Variants in KLHL13 observed in about 807,000 individuals in gnomAD.
KLHL13 encodes the protein kelch like family member 13.
In KLHL13, 10 loss-of-function variants were observed where a neutral mutation model predicts 37.1. The observed-to-expected ratio is 0.27, with a 90% CI of 0.17 to 0.46. The LOEUF is 0.46. KLHL13 is among the 20% of genes least tolerant of loss of function. The probability of loss-of-function intolerance (pLI) is 1.00; values close to 1 mark genes in which losing one functional copy is unlikely to be tolerated. For synonymous variants in KLHL13, 163 were observed against 181.2 expected, an observed-to-expected ratio of 0.90 and a Z score of 0.81; for missense variants, 360 against 509.3, an observed-to-expected ratio of 0.71 and a Z score of 2.82.
At chrX:117,990,593 A>T (rs1485843580) in intron 1 of KLHL13, among the ~76,000 whole-genome samples, 1 of 111,571 alleles carries the variant, frequency 9.0e-6, no homozygotes, top group Non-Finnish European at 1.9e-5. Context: ...ACAAAATCCA[A>T]TTTTAACAAT....
At chrX:118,051,831 C>T (rs766569643) in intron 1 of KLHL13, among the ~76,000 whole-genome samples, 8 of 111,139 alleles carry the variant, frequency 7.2e-5, no homozygotes, top group Non-Finnish European at 9.4e-5. Context: ...GAGAACTGAA[C>T]ACATAAAAAT....
At chrX:118,000,673 C>T (rs938811195) in intron 1 of KLHL13, among the ~76,000 whole-genome samples, 9 of 112,165 alleles carry the variant, frequency 8.0e-5, no homozygotes, top group Non-Finnish European at 1.1e-4. Context: ...TCAATTTTTT[C>T]TTGCCTGTAA....
intron 2 of KLHL13, among the ~76,000 whole-genome samples, chrX:117,923,756 G>T (rs1304880993): frequency 9.0e-6 from 1 of 111,480 alleles, no homozygotes; most frequent in African/African-American, 3.3e-5. Context: ...GTGGAGGTAT[G>T]TAATCAATGC....
intron 1 of KLHL13, chrX:117,983,667 C>G (rs1602624894): frequency 2.3e-6 from 1 of 442,278 alleles, no homozygotes; most frequent in East Asian, 3.8e-5. Flanking sequence ...TTTATAAATC[C>G]TGAACAGTTA....
At chrX:118,058,618 T>C (rs1407182540) in intron 1 of KLHL13, among the ~76,000 whole-genome samples, 2 of 112,315 alleles carry the variant, frequency 1.8e-5, no homozygotes, top group East Asian at 5.6e-4. Context: ...AAATATTTGT[T>C]GACTTTTCCT....
intron 1 of KLHL13, among the ~76,000 whole-genome samples, chrX:118,070,360 C>T (rs938639046): frequency 8.9e-6 from 1 of 112,354 alleles, no homozygotes; most frequent in Non-Finnish European, 1.9e-5. Context: ...ATTTCTTTCA[C>T]CCCATGTGTT....
chrX:118,007,984 GA>G (rs1427750101), intron 1 of KLHL13, among the ~76,000 whole-genome samples: 1 of 111,549 alleles, frequency 9.0e-6, no homozygotes, highest in Non-Finnish European at 1.9e-5. Flanking sequence ...ACCAAGTGTC[GA>G]ATGGAGGGAA....
At chrX:118,021,171 T>C (rs896007348) in intron 1 of KLHL13, among the ~76,000 whole-genome samples, 1 of 108,477 alleles carries the variant, frequency 9.2e-6, no homozygotes. Context: ...TTTTGTTCGA[T>C]ATCTGCCTTA....
intron 1 of KLHL13, among the ~76,000 whole-genome samples, chrX:118,031,482 G>GATATATATATTTAGATATATATATAT (rs2054340947): frequency 1.2e-5 from 1 of 84,048 alleles, no homozygotes; most frequent in Non-Finnish European, 2.1e-5. Context: ...TATATATATA[G>GATATATATATTTAGATATATATATAT]ATATATATAT....
chrX:117,974,999 C>T (rs998546778), upstream of KLHL13, among the ~76,000 whole-genome samples: 2 of 111,470 alleles, frequency 1.8e-5, no homozygotes, highest in Non-Finnish European at 3.8e-5. Flanking sequence ...TATCAATGCG[C>T]TAGTGGCCAA....
At chrX:117,994,737 C>T (rs376213402) in intron 1 of KLHL13, among the ~76,000 whole-genome samples, 2 of 111,909 alleles carry the variant, frequency 1.8e-5, no homozygotes, top group Non-Finnish European at 3.8e-5. Context: ...AGTCACATCT[C>T]GTTCAACTTT....
chrX:118,011,664 C>T (rs779031717), intron 1 of KLHL13, among the ~76,000 whole-genome samples: 20 of 110,759 alleles, frequency 1.8e-4, no homozygotes, highest in African/African-American at 5.3e-4. Flanking sequence ...GGATGATGCC[C>T]GAGTTTCTGA....
chrX:117,914,930 T>G (rs1408044134), intron 4 of KLHL13, among the ~76,000 whole-genome samples: 2 of 111,364 alleles, frequency 1.8e-5, no homozygotes, highest in Admixed American at 1.9e-4. Flanking sequence ...ATAGGAGGGA[T>G]ATTTAGAATA....
chrX:117,959,463 A>G (rs1216897760), intron 1 of KLHL13, among the ~76,000 whole-genome samples: 1 of 112,589 alleles, frequency 8.9e-6, no homozygotes, highest in African/African-American at 3.2e-5. Flanking sequence ...AAGAGCTCTG[A>G]TATAATCACA....
At chrX:118,013,133 C>T (rs1353233885) in intron 1 of KLHL13, among the ~76,000 whole-genome samples, 1 of 111,744 alleles carries the variant, frequency 8.9e-6, no homozygotes, top group African/African-American at 3.3e-5. Context: ...GATGCCTGGC[C>T]TCTTGGAGCT....
intron 1 of KLHL13, among the ~76,000 whole-genome samples, chrX:117,966,272 AACAG>A (rs1246474198): frequency 8.9e-6 from 1 of 111,837 alleles, no homozygotes; most frequent in Non-Finnish European, 1.9e-5. Flanking sequence ...AATAACAGAA[AACAG>A]ACAGCCAAAT....
chrX:118,095,211 G>C (rs1206384128), intron 1 of KLHL13, among the ~76,000 whole-genome samples: 1 of 109,742 alleles, frequency 9.1e-6, no homozygotes, highest in Non-Finnish European at 1.9e-5. Context: ...CCAAGCAAAT[G>C]GAAAACAAAA....
intron 6 of KLHL13, among the ~76,000 whole-genome samples, chrX:117,899,752 A>G (rs927551971): frequency 7.1e-5 from 8 of 112,071 alleles, no homozygotes; most frequent in Admixed American, 4.7e-4. Flanking sequence ...ATCATTCACT[A>G]CTTACTGCCT....
intron 1 of KLHL13, among the ~76,000 whole-genome samples, chrX:118,051,648 T>TACAC (rs762666475): frequency 9.2e-6 from 1 of 109,230 alleles, no homozygotes; most frequent in Non-Finnish European, 1.9e-5. Flanking sequence ...CACGCGCACA[T>TACAC]ACACACACAC....
Sources: gnomAD v4.1 joint callset for allele counts (sites outside exome capture counted in the v4.1 genomes callset) on GRCh38, gnomAD v4.1.1 for gene constraint, MANE v1.5 for transcripts, NCBI Gene and HGNC (gene_info 2026-07-23, HGNC 2026-07-21) for gene names.